ELFN1: variants seen among roughly 807,000 people sequenced by gnomAD.
ELFN1 encodes the protein protein ELFN1.
In ELFN1, 6 loss-of-function variants were observed where a neutral mutation model predicts 7.6. The ratio of observed to expected loss-of-function variants is 0.79; its 90% CI spans 0.43 to 1.56. The LOEUF is 1.56. ELFN1 is among the 40% of genes most tolerant of loss of function. ELFN1 has a pLI of 0.01. For synonymous variants in ELFN1, 657 were observed against 588.1 expected (o/e 1.12, Z -1.70); for missense variants, 1,169 against 1,232.2 (o/e 0.95, Z 0.77).
intron 2 of ELFN1, among the ~76,000 whole-genome samples, chr7:1,690,084 GATGGGTGGATGGATGC>G (rs1214113526): frequency 6.6e-6 from 1 of 152,230 alleles, no homozygotes; most frequent in East Asian, 1.9e-4. Flanking sequence ...TGGACTGATG[GATGGGTGGATGGATGC>G]ATGGGTTGAT....
At chr7:1,675,067 T>C (rs10270726) in intron 1 of ELFN1, among the ~76,000 whole-genome samples, 68,327 of 151,734 alleles carry the variant, frequency 0.45, 17,558 homozygotes, top group African/African-American at 0.71. Context: ...GAGAGTGCCC[T>C]GGCCTTACCG....
chr7:1,736,043 C>T (rs1388483437), intron 3 of ELFN1, among the ~76,000 whole-genome samples: 1 of 152,220 alleles, frequency 6.6e-6, no homozygotes, highest in Non-Finnish European at 1.5e-5. Context: ...GGCCCCCCAC[C>T]TGCTCCTAGC....
chr7:1,693,923 T>G (rs1562362616), intron 2 of ELFN1: 2 of 397,496 alleles, frequency 5.0e-6, no homozygotes, highest in African/African-American at 4.2e-5. Context: ...GCCGGCAAGG[T>G]GGGCAGCACT....
chr7:1,718,977 CCT>C (rs2128591532), intron 3 of ELFN1, among the ~76,000 whole-genome samples: 1 of 152,274 alleles, frequency 6.6e-6, no homozygotes, highest in African/African-American at 2.4e-5. Flanking sequence ...ACGTGAGCTT[CCT>C]CTTTTTTTGC....
chr7:1,723,486 C>G (rs775364608), intron 3 of ELFN1, among the ~76,000 whole-genome samples: 56 of 152,328 alleles, frequency 3.7e-4, no homozygotes, highest in Admixed American at 9.8e-4. Flanking sequence ...GTGCACATGG[C>G]TCTGTGGTTC....
chr7:1,711,575 TGAGAGAGAGAGA>T (rs55658122), intron 3 of ELFN1, among the ~76,000 whole-genome samples: 3,382 of 87,598 alleles, frequency 0.039, 42 homozygotes, highest in African/African-American at 0.08. Flanking sequence ...AGCGAGAGAG[TGAGAGAGAGAGA>T]GAGAGAGAGA....
intron 1 of ELFN1, among the ~76,000 whole-genome samples, chr7:1,679,824 G>A (rs1001023131): frequency 2.6e-5 from 4 of 152,232 alleles, no homozygotes; most frequent in South Asian, 2.1e-4. Context: ...CATTGCGGGC[G>A]TGGTGTCCCC....
chr7:1,703,784 T>C (rs1008449092), intron 2 of ELFN1, among the ~76,000 whole-genome samples: 1 of 152,306 alleles, frequency 6.6e-6, no homozygotes, highest in Non-Finnish European at 1.5e-5. Context: ...AGCAAAGAAC[T>C]CTCGGCCGAG....
In ELFN1 at chr7:1,714,905, G is replaced by A. The variant is rs151027115; in HGVS notation, c.-294+5653G>A. Among the ~76,000 whole-genome samples the A allele has an allele frequency of 7.0e-3, 1,073 of 152,308 alleles. 11 individuals are homozygous for A. Among genetic ancestry groups the A allele is most frequent in the African/African-American group, 0.024 (989 of 41,566 alleles). ...GTGGAGCTGGTACACAGCCTAAGGG[G>A]GTTGTCAATGGTCCAGGTTCCTTGT... On this transcript the variant is annotated intron_variant, in intron 3 of 3. Coordinates refer to ENST00000424383, the MANE Select transcript of ELFN1 (RefSeq NM_001128636.4).
At chr7:1,699,824 C>G (rs1189129585) in intron 2 of ELFN1, among the ~76,000 whole-genome samples, 1 of 152,178 alleles carries the variant, frequency 6.6e-6, no homozygotes, top group Non-Finnish European at 1.5e-5. Context: ...CTGCCTCAGC[C>G]TCCCGGGTAG....
At chr7:1,694,700 G>A (rs1192820958) in intron 2 of ELFN1, among the ~76,000 whole-genome samples, 2 of 152,206 alleles carry the variant, frequency 1.3e-5, no homozygotes, top group Non-Finnish European at 1.5e-5. Flanking sequence ...GAGGGTATGA[G>A]ACAGGAGGCC....
At chr7:1,667,787 G>T (rs1055505359), upstream of ELFN1, among the ~76,000 whole-genome samples, 1 of 152,156 alleles carries the variant, frequency 6.6e-6, no homozygotes, top group African/African-American at 2.4e-5. This position sits in a 1 kb window ranked among gnomAD's most constrained non-coding sequence, Gnocchi z 8.2. Flanking sequence ...TTCTGGGTCT[G>T]GGGGAGGGGC....
rs569455797 is a variant in ELFN1, at chr7:1,718,423, G to A, written c.-294+9171G>A. Among the ~76,000 whole-genome samples, 4 of 152,298 alleles carry A rather than the reference G, an allele frequency of 2.6e-5. No homozygotes were observed. The East Asian group carries it at 7.7e-4, about 29-fold the overall frequency. On this transcript the variant is annotated intron_variant, in intron 3 of 3. Coordinates refer to ENST00000424383, the MANE Select transcript of ELFN1 (RefSeq NM_001128636.4). ...CCCTCAGCGGGCCTGACTGGAGAAT[G>A]GGAAGTAGCATTGGGGGTGACTGAC...
intron 3 of ELFN1, among the ~76,000 whole-genome samples, chr7:1,711,941 G>C (rs927247493): frequency 3.3e-5 from 5 of 152,254 alleles, no homozygotes; most frequent in Non-Finnish European, 7.3e-5. Context: ...GCGGCAGAGA[G>C]AACACAGAGG....
chr7:1,678,108 C>G (rs893062365), intron 1 of ELFN1, among the ~76,000 whole-genome samples: 3 of 152,162 alleles, frequency 2.0e-5, no homozygotes, highest in Non-Finnish European at 2.9e-5. Flanking sequence ...AGTCAGGGAC[C>G]GAGGGGACTC....
chr7:1,722,559 C>T (rs1444684910), intron 3 of ELFN1, among the ~76,000 whole-genome samples: 1 of 152,082 alleles, frequency 6.6e-6, no homozygotes, highest in African/African-American at 2.4e-5. Context: ...GTGTGAGCCA[C>T]CGCGCCTGGG....
chr7:1,699,920 G>A (rs965236823), intron 2 of ELFN1, among the ~76,000 whole-genome samples: 14 of 151,508 alleles, frequency 9.2e-5, no homozygotes, highest in Non-Finnish European at 1.3e-4. Flanking sequence ...GGCTGGTCTC[G>A]AACTCCTGAG....
At chr7:1,717,586 G>C (rs1013267618) in intron 3 of ELFN1, among the ~76,000 whole-genome samples, 1 of 152,180 alleles carries the variant, frequency 6.6e-6, no homozygotes. Context: ...TGTGGTTCAT[G>C]GGGGAGCCTG....
At position 1,711,615 on chromosome 7, in the gene ELFN1, A is replaced by C. The variant is rs568092343; in HGVS notation, c.-294+2363A>C. On this transcript the variant is annotated intron_variant, in intron 3 of 3. Coordinates refer to ENST00000424383, the MANE Select transcript of ELFN1 (RefSeq NM_001128636.4). ...GAGAGAGAGAGAGAGAGAGAGAGAG[A>C]GAGAGAGAGAGAATGAGACAAGGGA... is the stretch of plus-strand genomic sequence containing the variant. Among the ~76,000 whole-genome samples the C allele has an allele frequency of 2.9e-3, 417 of 144,396 alleles. 2 individuals are homozygous for C. The highest frequency in any genetic ancestry group is 0.011 in the African/African-American group (393 of 34,578). The allele number at this position is 144,396 out of a possible 152,430, so 94.7% of individuals were successfully genotyped here.
Sources: gnomAD v4.1 joint callset for allele counts (sites outside exome capture counted in the v4.1 genomes callset) on GRCh38, gnomAD v4.1.1 for gene constraint, Gnocchi (gnomAD v3.1) non-coding constraint, MANE v1.5 for transcripts, NCBI Gene and HGNC (gene_info 2026-07-23, HGNC 2026-07-21) for gene names.